GUK1: variants seen among roughly 807,000 people sequenced by gnomAD.
GUK1 encodes guanylate kinase.
In GUK1, 18 loss-of-function variants were observed where a neutral mutation model predicts 25.2. The ratio of observed to expected loss-of-function variants is 0.71; its 90% CI spans 0.49 to 1.06. GUK1 has a LOEUF of 1.06. Ranked by LOEUF, GUK1 falls within the 50% of genes least tolerant of loss-of-function variation. The probability of loss-of-function intolerance (pLI) is 0.00; values close to 1 mark genes in which losing one functional copy is unlikely to be tolerated. For missense variants in GUK1, 261 were observed against 276.7 expected, an observed-to-expected ratio of 0.94 and a Z score of 0.40; for synonymous variants, 105 against 117.6, an observed-to-expected ratio of 0.89 and a Z score of 0.69.
At chr1:228,140,730 C>G (rs1043158851) in intron 1 of GUK1, among the ~76,000 whole-genome samples, 1 of 152,242 alleles carries the variant, frequency 6.6e-6, no homozygotes, top group Admixed American at 6.5e-5. Context: ...CGCTCCGGTT[C>G]CCACCTCACC....
intron 8 of GUK1, 24 bp downstream of exon 7, chr1:228,148,480 T>A: frequency 6.5e-7 from 1 of 1,540,768 alleles, no homozygotes; most frequent in Non-Finnish European, 8.8e-7. Flanking sequence ...TGTGCCTACC[T>A]GGGCAAGGCC....
At chr1:228,146,126 C>T in intron 4 of GUK1, 59 bp downstream of exon 3, 4 of 1,177,574 alleles carry the variant, frequency 3.4e-6, no homozygotes, top group Non-Finnish European at 5.1e-6. Flanking sequence ...GCTGCTGGGC[C>T]CTGCAGCTGT....
At chr1:228,147,858 C>T (rs576256031) in intron 7 of GUK1, 159 bp downstream of exon 6, 17 of 629,320 alleles carry the variant, frequency 2.7e-5, no homozygotes, top group South Asian at 2.3e-4. Context: ...CTAGAGTCCC[C>T]GTGAGGGTCC....
chr1:228,145,482 C>T (rs1486093689), intron 2 of GUK1, 29 bp from the exon 2 acceptor site: 1 of 1,583,368 alleles, frequency 6.3e-7, no homozygotes, highest in Non-Finnish European at 8.6e-7. Context: ...GGCCGCACTG[C>T]TATCCACAGC....
intron 7 of GUK1, 104 bp downstream of exon 6, chr1:228,147,803 G>A (rs1422241630): frequency 7.6e-6 from 7 of 925,676 alleles, no homozygotes; most frequent in Non-Finnish European, 1.1e-5. Flanking sequence ...CTGACACCTG[G>A]AGTCCCTGTG....
intron 7 of GUK1, 110 bp downstream of exon 6, chr1:228,147,809 C>A: frequency 4.5e-6 from 4 of 880,140 alleles, no homozygotes; most frequent in African/African-American, 1.7e-5. Flanking sequence ...CCTGGAGTCC[C>A]TGTGAGGGTC....
intron 4 of GUK1, 75 bp downstream of exon 3, chr1:228,146,142 C>A: frequency 1.0e-6 from 1 of 975,558 alleles, no homozygotes; most frequent in Non-Finnish European, 1.6e-6. Context: ...GCTGTGTTGG[C>A]TGTGCTGCCC....
chr1:228,145,281 C>G (rs529314238), intron 2 of GUK1: 1 of 371,578 alleles, frequency 2.7e-6, no homozygotes, highest in Non-Finnish European at 4.8e-6. Flanking sequence ...GCCTTCCATT[C>G]GTCTCCCGTG....
At chr1:228,147,955 A>AC (rs1312077814) in intron 7 of GUK1, 2 of 574,512 alleles carry the variant, frequency 3.5e-6, no homozygotes, top group East Asian at 5.7e-5. Context: ...GGGCCCCCAG[A>AC]CCCCCCATCG....
intron 2 of GUK1, among the ~76,000 whole-genome samples, chr1:228,142,684 G>T (rs2124931745): frequency 6.6e-6 from 1 of 152,244 alleles, no homozygotes; most frequent in South Asian, 2.1e-4. Flanking sequence ...CTTGCTGCTT[G>T]CGAGGAAAGG....
intron 2 of GUK1, among the ~76,000 whole-genome samples, chr1:228,142,515 G>A (rs1452197665): frequency 1.3e-5 from 2 of 151,886 alleles, no homozygotes; most frequent in Non-Finnish European, 2.9e-5. Flanking sequence ...AGGCCTGGGA[G>A]CCTGGGCTTG....
At chr1:228,147,792 C>T in intron 7 of GUK1, 93 bp downstream of exon 6, 1 of 1,059,124 alleles carries the variant, frequency 9.4e-7, no homozygotes, top group Non-Finnish European at 1.4e-6. Context: ...CCCCAGACCT[C>T]CTGACACCTG....
Position 228,144,780 on chromosome 1 carries a change from C to T in GUK1, c.-2-731C>T, listed in dbSNP as rs41270181. The stretch of plus-strand genomic sequence containing the variant: ...AGGCCCTGTTCTTGGGGAGGATTCC[C>T]ACCAGGCAAAGGCCAGCTCCCGGGC... On this transcript the variant is annotated intron_variant, in intron 2 of 8. Transcript: ENST00000312726. 7,139 of 965,030 alleles carry T rather than the reference C, an allele frequency of 7.4e-3. 36 individuals carry two copies. The highest frequency in any genetic ancestry group is 7.9e-3 in the Non-Finnish European group (6,392 of 811,230). 59.8% of individuals were successfully genotyped at this position (965,030 alleles called of 1,614,324 possible).
At chr1:228,141,635 T>A in intron 2 of GUK1, 2 of 1,197,096 alleles carry the variant, frequency 1.7e-6, no homozygotes, top group Non-Finnish European at 2.1e-6. Context: ...GTCCTTAGGA[T>A]GGCTGGAAGC....
At chr1:228,147,745 G>C (rs2034467224) in intron 7 of GUK1, 46 bp downstream of exon 6, 1 of 1,554,076 alleles carries the variant, frequency 6.4e-7, no homozygotes, top group Admixed American at 1.7e-5. Flanking sequence ...AGGGGAGTCA[G>C]GGTTCTGAGG....
intron 2 of GUK1, chr1:228,141,356 TGTG>T (rs1413021937): frequency 1.4e-6 from 1 of 697,412 alleles, no homozygotes; most frequent in African/African-American, 1.9e-5. Flanking sequence ...CTGCTCCTGG[TGTG>T]GTCCCATTTA....
Position 228,147,491 on chromosome 1 carries a change from A to G in GUK1, c.337A>G (p.Thr113Ala). The G allele has an allele frequency of 1.2e-6, 2 of 1,613,170 alleles. No homozygotes were observed. Among genetic ancestry groups the G allele is most frequent in the Non-Finnish European group, 8.5e-7 (1 of 1,179,912 alleles). The change falls in exon 6 of 9, where the codon ACC becomes GCC. Residue 113 changes from threonine to alanine, a missense_variant. Thr to Ala is a moderately conservative substitution (Grantham distance 58). Transcript: ENST00000312726. ...GCAGGGTGTGCGGAACATCAAGGCCACCGATCTGCGGCCCATCTACATCTC... is the reference window on the plus strand; with the variant it reads ...GCAGGGTGTGCGGAACATCAAGGCCGCCGATCTGCGGCCCATCTACATCTC...
At chr1:228,140,190 C>A, upstream of GUK1, 1 of 859,080 alleles carries the variant, frequency 1.2e-6, no homozygotes, top group South Asian at 1.6e-5. Context: ...CGGGGAAGAA[C>A]GAGTGAGACA....
intron 2 of GUK1, 82 bp from the exon 2 acceptor site, chr1:228,145,429 T>G: frequency 7.2e-7 from 1 of 1,388,272 alleles, no homozygotes; most frequent in Non-Finnish European, 9.6e-7. Context: ...TTTCCTGCCA[T>G]GAATTCAGGA....
Sources: allele counts gnomAD v4.1 joint callset (sites outside exome capture counted in the v4.1 genomes callset), GRCh38; gene constraint gnomAD v4.1.1; transcripts MANE v1.5; gene names NCBI Gene and HGNC (gene_info 2026-07-23, HGNC 2026-07-21).